Variants in CCDC171 observed in about 807,000 individuals in gnomAD.
CCDC171 encodes coiled-coil domain containing 171, also known as coiled-coil domain-containing protein 171.
In CCDC171, 177 loss-of-function variants were observed where a neutral mutation model predicts 168.2. The ratio of observed to expected loss-of-function variants is 1.05; its 90% CI spans 0.93 to 1.19. CCDC171 has a LOEUF of 1.19. CCDC171 is among the 50% of genes most tolerant of loss of function. CCDC171 has a pLI of 0.00. For synonymous variants in CCDC171, 687 were observed against 540.8 expected, an observed-to-expected ratio of 1.27 and a Z score of -3.75; for missense variants, 1,991 against 1,539.0, an observed-to-expected ratio of 1.29 and a Z score of -4.91.
chr9:15,726,801 G>C (rs1314045918), intron 14 of CCDC171, among the ~76,000 whole-genome samples: 2 of 151,848 alleles, frequency 1.3e-5, no homozygotes, highest in Non-Finnish European at 2.9e-5. Context: ...TCTTTTAAAA[G>C]TTTTCTTCCT....
At chr9:15,780,802 T>C (rs1272169955) in intron 20 of CCDC171, among the ~76,000 whole-genome samples, 1 of 152,238 alleles carries the variant, frequency 6.6e-6, no homozygotes, top group Non-Finnish European at 1.5e-5. Context: ...GTTAAATGAA[T>C]ACTAGTGTGT....
chr9:15,816,504 G>T lies in CCDC171; in HGVS notation c.3268-30198G>T, dbSNP rs1391336970. On this transcript the variant is annotated intron_variant, in intron 21 of 25. Coordinates refer to ENST00000380701, the MANE Select transcript of CCDC171 (RefSeq NM_173550.4). ...CATTATTTTTACTTATATTTTCGAA[G>T]AATAATTCTAGCATCTATTGAAGTA... is the stretch of plus-strand genomic sequence containing the variant. 5.1e-5 allele frequency among the ~76,000 whole-genome samples: 6 copies of T among 118,356 alleles called. 1 individual carries two copies. The highest frequency in any genetic ancestry group is 9.5e-5 in the African/African-American group (3 of 31,650). 77.6% of individuals were successfully genotyped at this position (118,356 alleles called of 152,430 possible). A position where few individuals can be genotyped will look rare whatever the true frequency, so the allele number is the denominator to read the frequency against.
intron 24 of CCDC171, among the ~76,000 whole-genome samples, chr9:15,914,116 G>A (rs1441654035): frequency 1.3e-5 from 2 of 152,198 alleles, no homozygotes; most frequent in Admixed American, 6.5e-5. Context: ...CAGGATGCAT[G>A]GGGGTCAGGG....
intron 3 of CCDC171, among the ~76,000 whole-genome samples, chr9:15,994,366 CAT>C (rs1832303714): frequency 6.6e-6 from 1 of 152,140 alleles, no homozygotes. Context: ...TGTTCTCACT[CAT>C]AGGTGGGAAT....
At chr9:16,037,559 T>C (rs1391092419) in intron 8 of CCDC171, among the ~76,000 whole-genome samples, 1 of 152,160 alleles carries the variant, frequency 6.6e-6, no homozygotes, top group Non-Finnish European at 1.5e-5. Context: ...ACATAAAGAC[T>C]ATAAGTAGGT....
At chr9:15,897,238 T>C (rs1240738094) in intron 24 of CCDC171, among the ~76,000 whole-genome samples, 2 of 151,968 alleles carry the variant, frequency 1.3e-5, no homozygotes, top group African/African-American at 4.8e-5. Context: ...TAGCACATTA[T>C]CATTTTACAT....
chr9:15,669,230 A>G (rs1053469244), intron 9 of CCDC171, among the ~76,000 whole-genome samples: 2 of 152,210 alleles, frequency 1.3e-5, no homozygotes, highest in Admixed American at 6.5e-5. Flanking sequence ...CCATAATTCT[A>G]TAATCAAAAT....
intron 9 of CCDC171, among the ~76,000 whole-genome samples, chr9:15,670,544 T>C (rs1305104256): frequency 6.6e-6 from 1 of 152,162 alleles, no homozygotes; most frequent in Admixed American, 6.6e-5. Flanking sequence ...AGGCATAGTA[T>C]GCCATTTTTT....
chr9:15,865,801 G>A (rs1173626396), intron 23 of CCDC171, among the ~76,000 whole-genome samples: 1 of 151,180 alleles, frequency 6.6e-6, no homozygotes, highest in South Asian at 2.1e-4. Flanking sequence ...AACTCTGTGG[G>A]GGTTGGCATC....
At chr9:15,822,755 A>C (rs1207012434) in intron 21 of CCDC171, among the ~76,000 whole-genome samples, 1 of 152,194 alleles carries the variant, frequency 6.6e-6, no homozygotes, top group Admixed American at 6.5e-5. Flanking sequence ...AACTAGTTCA[A>C]CCATTGTGGA....
intron 16 of CCDC171, among the ~76,000 whole-genome samples, chr9:15,733,279 C>G (rs1163313361): frequency 6.6e-6 from 1 of 152,024 alleles, no homozygotes; most frequent in Non-Finnish European, 1.5e-5. Context: ...TTTTGCAAAG[C>G]AAATGTTTCA....
intron 20 of CCDC171, 141 bp from the exon 21 acceptor site, chr9:15,784,368 A>G (rs2057826513): frequency 6.2e-6 from 3 of 486,164 alleles, no homozygotes; most frequent in Admixed American, 7.9e-5. Flanking sequence ...GACTTATGCA[A>G]TTAAGAAAAG....
At chr9:16,026,487 G>A (rs1472340139) in intron 6 of CCDC171, among the ~76,000 whole-genome samples, 1 of 152,022 alleles carries the variant, frequency 6.6e-6, no homozygotes, top group Non-Finnish European at 1.5e-5. Flanking sequence ...GTTGCCCTGC[G>A]TCTCCACCCC....
chr9:15,860,371 TTTC>T (rs1205028520), intron 23 of CCDC171, among the ~76,000 whole-genome samples: 3 of 151,888 alleles, frequency 2.0e-5, no homozygotes, highest in African/African-American at 7.3e-5. Context: ...ATGCGACATC[TTTC>T]TTTTTTTTAA....
chr9:15,639,881 A>C (rs759329666), intron 7 of CCDC171, among the ~76,000 whole-genome samples: 2 of 152,192 alleles, frequency 1.3e-5, no homozygotes, highest in Non-Finnish European at 1.5e-5. Context: ...AGTTCAGAGA[A>C]GTAAGTAGAA....
intron 1 of CCDC171, among the ~76,000 whole-genome samples, chr9:16,058,704 G>A (rs1253288452): frequency 6.6e-6 from 1 of 152,226 alleles, no homozygotes; most frequent in African/African-American, 2.4e-5. Flanking sequence ...AAGCCTGAAG[G>A]AGAGGTGGGA....
intron 3 of CCDC171, among the ~76,000 whole-genome samples, chr9:15,989,938 A>G (rs1832130770): frequency 6.6e-6 from 1 of 152,242 alleles, no homozygotes; most frequent in Admixed American, 6.5e-5. Flanking sequence ...TGAAAAGACC[A>G]TATCTATGTC....
Position 15,728,026 on chromosome 9 carries a change from CTAA to C in CCDC171, c.1852_1854del (p.Asn618del). The C allele has an allele frequency of 5.0e-6, 8 of 1,610,650 alleles. No individual in the cohort carries two copies. Among genetic ancestry groups the C allele is most frequent in the Non-Finnish European group, 6.8e-6 (8 of 1,178,278 alleles). On this transcript the variant is annotated inframe_deletion, in exon 15 of 26. Coordinates refer to ENST00000380701, the MANE Select transcript of CCDC171 (RefSeq NM_173550.4). The stretch of plus-strand genomic sequence containing the variant: ...GCCCTGATTGCAGACCTCAACAGGG[CTAA>C]TGAGAAGGTAACTGTCCTCAGGCAC...
intron 25 of CCDC171, among the ~76,000 whole-genome samples, chr9:15,951,807 G>T (rs1589228736): frequency 1.3e-5 from 2 of 152,056 alleles, no homozygotes; most frequent in East Asian, 3.8e-4. Context: ...CTCCTGTTCT[G>T]TGGGTTGCCT....
Sources: allele counts gnomAD v4.1 joint callset (sites outside exome capture counted in the v4.1 genomes callset), GRCh38; gene constraint gnomAD v4.1.1; transcripts MANE v1.5; gene names NCBI Gene and HGNC (gene_info 2026-07-23, HGNC 2026-07-21).